The following FAM219A variants were observed in gnomAD, a reference collection of about 807,000 sequenced individuals.
The protein encoded by FAM219A is family with sequence similarity 219 member A, also known as protein FAM219A.
Under a neutral mutation model 23.4 loss-of-function variants are expected in FAM219A, and 7 were observed. The ratio of observed to expected loss-of-function variants is 0.30; its 90% CI spans 0.17 to 0.56. The LOEUF (loss-of-function observed/expected upper bound fraction) is 0.56. Among genes scored for constraint, FAM219A ranks in the 20% least tolerant of loss-of-function variants. The probability of loss-of-function intolerance (pLI) is 0.92; values close to 1 mark genes in which losing one functional copy is unlikely to be tolerated. For synonymous variants in FAM219A, 93 were observed against 99.0 expected, an observed-to-expected ratio of 0.94 and a Z score of 0.36; for missense variants, 166 against 246.9, an observed-to-expected ratio of 0.67 and a Z score of 2.20.
chr9:34,453,103 C>G (rs1158225557), intron 1 of FAM219A, among the ~76,000 whole-genome samples: 2 of 152,108 alleles, frequency 1.3e-5, no homozygotes, highest in Non-Finnish European at 2.9e-5. Context: ...GTGCCTCTGC[C>G]CAGGAGCCTG....
At chr9:34,413,350 C>A (rs1821891255) in intron 1 of FAM219A, among the ~76,000 whole-genome samples, 1 of 152,118 alleles carries the variant, frequency 6.6e-6, no homozygotes, top group Non-Finnish European at 1.5e-5. Flanking sequence ...GGAAGGAGAT[C>A]AGACTGGCTG....
chr9:34,440,878 A>T (rs1208799980), intron 1 of FAM219A, among the ~76,000 whole-genome samples: 1 of 151,910 alleles, frequency 6.6e-6, no homozygotes, highest in Non-Finnish European at 1.5e-5. Context: ...ATTTTTAAAG[A>T]AATGTTATCT....
At position 34,458,182 on chromosome 9, in the gene FAM219A, T is replaced by TGCCCGCC; in HGVS notation, c.60+15_60+21dup. ...AGCGACGCCCCCTCCGGCCTTGGCC[T>TGCCCGCC]GCCCGCCGCCCGCCCCCTCACCAGC... On this transcript the variant is annotated intron_variant, in intron 1 of 5. Transcript: ENST00000651358. The surrounding 1 kb of genome is among the most constrained non-coding windows in gnomAD (Gnocchi z 6.6). 6.4e-7 allele frequency: 1 copy of TGCCCGCC among 1,573,868 alleles called. No homozygotes were observed. The highest frequency in any genetic ancestry group is 1.2e-5 in the South Asian group (1 of 86,500).
At chr9:34,430,663 AAAAC>A (rs1296012747) in intron 1 of FAM219A, among the ~76,000 whole-genome samples, 1 of 150,214 alleles carries the variant, frequency 6.7e-6, no homozygotes, top group Non-Finnish European at 1.5e-5. Flanking sequence ...AAAAAGACAA[AAAAC>A]AAACAAACAA....
intron 1 of FAM219A, among the ~76,000 whole-genome samples, chr9:34,427,754 G>T (rs1822539228): frequency 6.6e-6 from 1 of 152,210 alleles, no homozygotes; most frequent in Non-Finnish European, 1.5e-5. Context: ...CCCACAGACA[G>T]ATGTTGCATT....
chr9:34,438,216 T>A (rs1823001351), intron 1 of FAM219A, among the ~76,000 whole-genome samples: 1 of 152,176 alleles, frequency 6.6e-6, no homozygotes, highest in African/African-American at 2.4e-5. Flanking sequence ...CACCCCTCCA[T>A]GGGCTCCTGT....
chr9:34,419,723 A>G (rs1197591648), intron 1 of FAM219A, among the ~76,000 whole-genome samples: 1 of 152,156 alleles, frequency 6.6e-6, no homozygotes, highest in African/African-American at 2.4e-5. Context: ...GTAAGCTTCA[A>G]TTACTCAAGG....
chr9:34,400,830 G>C lies in FAM219A; in HGVS notation c.*134C>G. ...ACGTCCTACCATAGGAGGAAGCAAT[G>C]ACTGTTATACGAGGTTGGCGGCTGT... On this transcript the variant is annotated 3_prime_UTR_variant, in exon 6 of 6. Transcript: ENST00000651358. 1.1e-6 allele frequency: 1 copy of C among 879,596 alleles called. No individual in the cohort carries two copies. The highest frequency in any genetic ancestry group is 1.6e-6 in the Non-Finnish European group (1 of 611,850). 54.5% of individuals were successfully genotyped at this position (879,596 alleles called of 1,614,324 possible). A position where few individuals can be genotyped will look rare whatever the true frequency, so the allele number is the denominator to read the frequency against.
At chr9:34,426,552 T>G (rs1822483430) in intron 1 of FAM219A, among the ~76,000 whole-genome samples, 1 of 152,220 alleles carries the variant, frequency 6.6e-6, no homozygotes, top group Non-Finnish European at 1.5e-5. Flanking sequence ...GCCTGGAGCA[T>G]GCAGATAGGA....
At chr9:34,416,668 G>A (rs1436258459) in intron 1 of FAM219A, among the ~76,000 whole-genome samples, 2 of 151,730 alleles carry the variant, frequency 1.3e-5, no homozygotes, top group African/African-American at 4.8e-5. Context: ...AACCTGGGAG[G>A]TAGAGGTTGC....
chr9:34,450,712 G>A (rs1379528419), intron 1 of FAM219A, among the ~76,000 whole-genome samples: 4 of 152,158 alleles, frequency 2.6e-5, no homozygotes, highest in East Asian at 3.9e-4. Context: ...CACTGCGCCC[G>A]GCCAATTCAA....
chr9:34,398,472 CACA>C lies in FAM219A; in HGVS notation c.*2489_*2491del. The C allele has an allele frequency of 1.7e-6, 2 of 1,202,188 alleles. No homozygotes were observed. The highest frequency in any genetic ancestry group is 1.2e-6 in the Non-Finnish European group (1 of 843,166). 74.5% of individuals were successfully genotyped at this position (1,202,188 alleles called of 1,614,324 possible). ...CCTCCCAGACAGGGAAGGAGGGAGC[CACA>C]CCCCTCCCTAGACACAGAAGCTGCC... On this transcript the variant is annotated 3_prime_UTR_variant, in exon 6 of 6. Coordinates refer to ENST00000651358, the MANE Select transcript of FAM219A (RefSeq NM_001184940.2).
chr9:34,435,813 C>T (rs568436562), intron 1 of FAM219A, among the ~76,000 whole-genome samples: 148 of 149,142 alleles, frequency 9.9e-4, no homozygotes, highest in Admixed American at 5.8e-3. Flanking sequence ...GTTTAGATTG[C>T]TTTTTTTTTT....
At chr9:34,439,165 C>T (rs1243305733) in intron 1 of FAM219A, among the ~76,000 whole-genome samples, 34 of 152,182 alleles carry the variant, frequency 2.2e-4, no homozygotes. Context: ...GGAACACACT[C>T]CGGACACGCC....
At chr9:34,428,004 G>A (rs990068618) in intron 1 of FAM219A, among the ~76,000 whole-genome samples, 1 of 152,142 alleles carries the variant, frequency 6.6e-6, no homozygotes. Context: ...GTGACTAAAG[G>A]GCTAAGATCA....
intron 1 of FAM219A, among the ~76,000 whole-genome samples, chr9:34,411,781 G>A (rs1346240771): frequency 6.6e-6 from 1 of 152,098 alleles, no homozygotes; most frequent in Non-Finnish European, 1.5e-5. Flanking sequence ...TATAAAAGTA[G>A]AGAGAATGGG....
At chr9:34,409,232 G>A (rs1821743912) in intron 1 of FAM219A, among the ~76,000 whole-genome samples, 1 of 152,236 alleles carries the variant, frequency 6.6e-6, no homozygotes, top group African/African-American at 2.4e-5. Context: ...AAGATCTCTG[G>A]CACTGTGCCT....
At chr9:34,422,117 G>A (rs1321077270) in intron 1 of FAM219A, among the ~76,000 whole-genome samples, 3 of 152,158 alleles carry the variant, frequency 2.0e-5, no homozygotes, top group Non-Finnish European at 4.4e-5. Context: ...GCTCACGTTG[G>A]GGAGGCAGCT....
chr9:34,439,809 A>T (rs1823097661), intron 1 of FAM219A, among the ~76,000 whole-genome samples: 1 of 152,208 alleles, frequency 6.6e-6, no homozygotes, highest in Non-Finnish European at 1.5e-5. Context: ...GAGCCAGATC[A>T]CATGTTAGGG....
Sources: gnomAD v4.1 joint callset for allele counts (sites outside exome capture counted in the v4.1 genomes callset) on GRCh38, gnomAD v4.1.1 for gene constraint, Gnocchi (gnomAD v3.1) non-coding constraint, MANE v1.5 for transcripts, NCBI Gene and HGNC (gene_info 2026-07-23, HGNC 2026-07-21) for gene names.